CCNT2: variants seen among roughly 807,000 people sequenced by gnomAD.
CCNT2 encodes the protein cyclin T2.
In CCNT2, 18 loss-of-function variants were observed where a neutral mutation model predicts 70.0. The ratio of observed to expected loss-of-function variants is 0.26; its 90% CI spans 0.18 to 0.38. The LOEUF is 0.38. Ranked by LOEUF, CCNT2 falls within the 10% of genes least tolerant of loss-of-function variation. The probability of loss-of-function intolerance (pLI) is 1.00; values close to 1 mark genes in which losing one functional copy is unlikely to be tolerated. For missense variants in CCNT2, 734 were observed against 890.2 expected, an observed-to-expected ratio of 0.82 and a Z score of 2.23; for synonymous variants, 334 against 313.3, an observed-to-expected ratio of 1.07 and a Z score of -0.70.
chr2:134,956,238 A>G lies in CCNT2; in HGVS notation c.*1590A>G, dbSNP rs1054939375. 1 of 152,626 alleles carries G rather than the reference A, an allele frequency of 6.6e-6. No homozygotes were observed. Among genetic ancestry groups the G allele is most frequent in the African/African-American group, 2.4e-5 (1 of 41,456 alleles). 9.5% of individuals were successfully genotyped at this position (152,626 alleles called of 1,614,324 possible). ...AGTATGTTGCAGTTGTAAATATTAG[A>G]GTTTAATCTCATGCTCTACCTTTAT... On this transcript the variant is annotated 3_prime_UTR_variant, in exon 9 of 9. Transcript: ENST00000264157.
chr2:134,925,350 G>A (rs1047878334), intron 2 of CCNT2, among the ~76,000 whole-genome samples: 4 of 152,080 alleles, frequency 2.6e-5, no homozygotes, highest in African/African-American at 9.7e-5. Context: ...TTCACCCATT[G>A]AAAGTATGAT....
intron 5 of CCNT2, chr2:134,943,662 T>G (rs1681734856): frequency 3.4e-5 from 33 of 984,628 alleles, no homozygotes; most frequent in Non-Finnish European, 3.9e-5. Context: ...CAGCATTTTC[T>G]ACTCCTAAAT....
intron 2 of CCNT2, among the ~76,000 whole-genome samples, chr2:134,933,943 A>G (rs542687212): frequency 9.5e-4 from 145 of 152,318 alleles, no homozygotes; most frequent in African/African-American, 3.2e-3. Flanking sequence ...GAGAATAAGT[A>G]AATTGTCTAG....
intron 2 of CCNT2, 118 bp from the exon 3 acceptor site, chr2:134,936,723 C>G (rs1202955305): frequency 6.4e-6 from 5 of 781,784 alleles, no homozygotes; most frequent in Non-Finnish European, 5.8e-6. Context: ...CACTGCACTC[C>G]AGCCTGGGCA....
At position 134,953,790 on chromosome 2, in the gene CCNT2, A is replaced by G. The variant is rs1419692381; in HGVS notation, c.1335A>G (p.Leu445=). Residue 445 remains leucine (L), a synonymous_variant, in exon 9 of 9, where the codon CTA becomes CTG. Transcript: ENST00000264157. The stretch of plus-strand genomic sequence containing the variant: ...ATAAATATAGAGAAAAGCGTAAACT[A>G]GAAACTCTTGATCTCGATGTAAGGG... ...SLDKYREKRK[L]ETLDLDVRDH... is the part of the protein sequence containing the mutation. The G allele has an allele frequency of 6.2e-7, 1 of 1,614,020 alleles. No homozygotes were observed. Among genetic ancestry groups the G allele is most frequent in the Non-Finnish European group, 8.5e-7 (1 of 1,179,916 alleles).
intron 1 of CCNT2, 148 bp downstream of exon 1, chr2:134,919,160 C>A: frequency 1.2e-6 from 1 of 868,538 alleles, no homozygotes; most frequent in Admixed American, 2.9e-5. Flanking sequence ...CTCGGGCAGT[C>A]GCGAGGGGTC....
At chr2:134,950,412 TCA>T (rs762677083) in intron 7 of CCNT2, among the ~76,000 whole-genome samples, 15 of 152,134 alleles carry the variant, frequency 9.9e-5, no homozygotes, top group Non-Finnish European at 2.1e-4. Flanking sequence ...GTGCAGTCAC[TCA>T]CATATCTTGA....
Position 134,919,029 on chromosome 2 carries a change from G to C in CCNT2, c.158+17G>C. 1 of 1,584,564 alleles carries C rather than the reference G, an allele frequency of 6.3e-7. No individual in the cohort carries two copies. Among genetic ancestry groups the C allele is most frequent in the Non-Finnish European group, 8.6e-7 (1 of 1,163,600 alleles). On this transcript the variant is annotated intron_variant, in intron 1 of 8. Transcript: ENST00000264157. Reference sequence around the variant, plus strand: ...TCTCAATGTGTATCCTTTTCTGTTCGCCGCCGCTCACGCCCTGTTTCCCTT... The same window carrying C: ...TCTCAATGTGTATCCTTTTCTGTTCCCCGCCGCTCACGCCCTGTTTCCCTT...
intron 2 of CCNT2, among the ~76,000 whole-genome samples, chr2:134,935,376 C>T (rs1177988014): frequency 2.0e-5 from 3 of 152,216 alleles, no homozygotes; most frequent in Non-Finnish European, 2.9e-5. Context: ...TCTGCAAATG[C>T]AGTTGGACTA....
At chr2:134,953,205 C>T (rs755642476) in intron 8 of CCNT2, 25 bp from the exon 9 acceptor site, 2 of 1,539,592 alleles carry the variant, frequency 1.3e-6, no homozygotes, top group Non-Finnish European at 1.8e-6. Flanking sequence ...TATATCACTG[C>T]TTCTTCTGTG....
intron 2 of CCNT2, among the ~76,000 whole-genome samples, chr2:134,935,796 A>AT (rs1441663545): frequency 6.6e-6 from 1 of 151,970 alleles, no homozygotes; most frequent in Non-Finnish European, 1.5e-5. Context: ...CAAGGACCTA[A>AT]TTTACTAAGC....
Position 134,956,559 on chromosome 2 carries a change from A to C in CCNT2, c.*1911A>C, listed in dbSNP as rs1682941318. Reference sequence around the variant, plus strand: ...ACTAGTATAGAATTAAGCTGAGTGCAAGATGAGGGAGGGAAGGGCTTTCTT... The same window carrying C: ...ACTAGTATAGAATTAAGCTGAGTGCCAGATGAGGGAGGGAAGGGCTTTCTT... On this transcript the variant is annotated 3_prime_UTR_variant, in exon 9 of 9. Transcript: ENST00000264157. 1 of 152,534 alleles carries C rather than the reference A, an allele frequency of 6.6e-6. No homozygotes were observed. The highest frequency in any genetic ancestry group is 1.5e-5 in the Non-Finnish European group (1 of 68,002). The allele number at this position is 152,534 out of a possible 1,614,324, so 9.4% of individuals were successfully genotyped here.
chr2:134,954,714 CT>C lies in CCNT2; in HGVS notation c.*68del. ...AAAAATTGTTAGAATGGAAAAATTC[CT>C]TCTGATCTAGCAGTGGTAACCCCTG... On this transcript the variant is annotated 3_prime_UTR_variant, in exon 9 of 9. Coordinates refer to ENST00000264157, the MANE Select transcript of CCNT2 (RefSeq NM_058241.3). The C allele has an allele frequency of 9.2e-7, 1 of 1,088,670 alleles. No individual in the cohort carries two copies. The highest frequency in any genetic ancestry group is 1.4e-6 in the Non-Finnish European group (1 of 729,600). The allele number at this position is 1,088,670 out of a possible 1,614,324, so 67.4% of individuals were successfully genotyped here. A position where few individuals can be genotyped will look rare whatever the true frequency, so the allele number is the denominator to read the frequency against.
chr2:134,928,795 A>G (rs1435426953), intron 2 of CCNT2, among the ~76,000 whole-genome samples: 1 of 152,198 alleles, frequency 6.6e-6, no homozygotes, highest in African/African-American at 2.4e-5. Flanking sequence ...GAAACTTTAT[A>G]TAGTTCCATG....
Position 134,949,453 on chromosome 2 carries a change from A to G in CCNT2, c.703+1554A>G, listed in dbSNP as rs983021238. Among the ~76,000 whole-genome samples, 19 of 152,228 alleles carry G rather than the reference A, an allele frequency of 1.2e-4. 1 individual carries two copies. Among genetic ancestry groups the G allele is most frequent in the Non-Finnish European group, 4.4e-5 (3 of 68,042 alleles). On this transcript the variant is annotated intron_variant, in intron 7 of 8. Coordinates refer to ENST00000264157, the MANE Select transcript of CCNT2 (RefSeq NM_058241.3). ...TTCCAGTAAAACTTTTGTTGACAAA[A>G]ATAGGTGGCCAGCCATATTTGGCCA...
chr2:134,921,503 G>A (rs1679902966), intron 2 of CCNT2, among the ~76,000 whole-genome samples: 1 of 152,096 alleles, frequency 6.6e-6, no homozygotes, highest in African/African-American at 2.4e-5. Context: ...ACAGGTGTGT[G>A]CCACCACTCC....
chr2:134,919,199 C>G (rs1195849462), intron 1 of CCNT2, among the ~76,000 whole-genome samples, 187 bp downstream of exon 1: 2 of 152,104 alleles, frequency 1.3e-5, no homozygotes, highest in Non-Finnish European at 2.9e-5. Context: ...GAGATAGGAC[C>G]CCAGGAATGC....
chr2:134,924,765 A>G (rs576601228), intron 2 of CCNT2, among the ~76,000 whole-genome samples: 2 of 152,098 alleles, frequency 1.3e-5, no homozygotes, highest in East Asian at 3.9e-4. Flanking sequence ...TTCTTACTCT[A>G]ATCACTTTCT....
intron 7 of CCNT2, among the ~76,000 whole-genome samples, chr2:134,952,014 A>G (rs1317168713): frequency 1.3e-5 from 2 of 152,142 alleles, no homozygotes; most frequent in East Asian, 1.9e-4. Context: ...GGTTTGTCTG[A>G]TGATTTCTCA....
Sources: gnomAD v4.1 joint callset for allele counts (sites outside exome capture counted in the v4.1 genomes callset) on GRCh38, gnomAD v4.1.1 for gene constraint, MANE v1.5 for transcripts, NCBI Gene and HGNC (gene_info 2026-07-23, HGNC 2026-07-21) for gene names.